CPED1: variants seen among roughly 807,000 people sequenced by gnomAD.
CPED1 encodes cadherin-like and PC-esterase domain-containing protein 1.
CPED1 carries 114 observed loss-of-function variants against 128.2 expected under a neutral mutation model. The ratio of observed to expected loss-of-function variants is 0.89; its 90% CI spans 0.76 to 1.04. The LOEUF is 1.04. Ranked by LOEUF, CPED1 falls within the 50% of genes least tolerant of loss-of-function variation. The pLI is 0.00. For missense variants in CPED1, 1,211 were observed against 1,207.1 expected (o/e 1.00, Z -0.05); for synonymous variants, 462 against 426.7 (o/e 1.08, Z -1.02).
chr7:121,055,007 T>A (rs1793457333), intron 4 of CPED1, among the ~76,000 whole-genome samples: 1 of 152,228 alleles, frequency 6.6e-6, no homozygotes, highest in African/African-American at 2.4e-5. Flanking sequence ...TCATTTAAGA[T>A]TCATCCCTGT....
chr7:121,094,676 C>T (rs551954696), intron 5 of CPED1, among the ~76,000 whole-genome samples: 94 of 152,252 alleles, frequency 6.2e-4, no homozygotes, highest in African/African-American at 2.0e-3. Flanking sequence ...CTAACAATGT[C>T]ACAAGCCTAT....
intron 2 of CPED1, among the ~76,000 whole-genome samples, chr7:121,004,569 A>G (rs1194464490): frequency 6.6e-6 from 1 of 152,138 alleles, no homozygotes; most frequent in Non-Finnish European, 1.5e-5. Flanking sequence ...TGCAAAGGGG[A>G]CAGCAGAGCT....
intron 16 of CPED1, among the ~76,000 whole-genome samples, chr7:121,193,721 A>G (rs76128522): frequency 6.6e-6 from 1 of 152,190 alleles, no homozygotes; most frequent in Non-Finnish European, 1.5e-5. Context: ...TGTTAACTCT[A>G]CAGAGGAGGA....
chr7:121,089,171 T>G (rs1315750499), intron 5 of CPED1, among the ~76,000 whole-genome samples: 1 of 152,196 alleles, frequency 6.6e-6, no homozygotes, highest in Non-Finnish European at 1.5e-5. Context: ...GAACATCTTT[T>G]CTGACATATT....
At chr7:121,261,182 T>C (rs1462202983) in intron 18 of CPED1, among the ~76,000 whole-genome samples, 2 of 152,118 alleles carry the variant, frequency 1.3e-5, no homozygotes, top group Non-Finnish European at 2.9e-5. Flanking sequence ...CAAAATGAGA[T>C]AAAAATCATT....
At chr7:121,147,394 T>C (rs1796047166) in intron 16 of CPED1, among the ~76,000 whole-genome samples, 1 of 152,138 alleles carries the variant, frequency 6.6e-6, no homozygotes, top group South Asian at 2.1e-4. Flanking sequence ...AATGAGTCTG[T>C]TATTTCATTT....
chr7:121,194,516 C>G (rs957179512), intron 16 of CPED1, among the ~76,000 whole-genome samples: 1 of 151,826 alleles, frequency 6.6e-6, no homozygotes. Context: ...TCAAGACTAA[C>G]GGATGATTAT....
chr7:121,184,013 G>A (rs1044028140), intron 16 of CPED1, among the ~76,000 whole-genome samples: 5 of 152,012 alleles, frequency 3.3e-5, no homozygotes, highest in African/African-American at 4.8e-5. Context: ...GGTGGCACAT[G>A]CCTGTAATCC....
chr7:121,194,202 C>A (rs747648632), intron 16 of CPED1, among the ~76,000 whole-genome samples: 21 of 151,454 alleles, frequency 1.4e-4, no homozygotes, highest in Non-Finnish European at 2.8e-4. Flanking sequence ...TGCCTGCCAC[C>A]ATGCCCAGCT....
At chr7:121,007,222 T>C (rs1475249059) in intron 2 of CPED1, among the ~76,000 whole-genome samples, 1 of 142,304 alleles carries the variant, frequency 7.0e-6, no homozygotes, top group Non-Finnish European at 1.5e-5. Context: ...GCGAAACTGT[T>C]CAGGTTGCAT....
At chr7:121,065,246 T>C (rs6466766) in intron 5 of CPED1, among the ~76,000 whole-genome samples, 57,862 of 152,034 alleles carry the variant, frequency 0.38, 12,227 homozygotes, top group Non-Finnish European at 0.49. Flanking sequence ...CAATTCAACT[T>C]TCAATTTAAG....
At chr7:121,115,332 G>A (rs1435400187) in intron 7 of CPED1, among the ~76,000 whole-genome samples, 1 of 152,188 alleles carries the variant, frequency 6.6e-6, no homozygotes, top group Non-Finnish European at 1.5e-5. Context: ...TGAGAAAGGT[G>A]TGAGAAAACA....
chr7:121,077,736 T>C (rs1167040162), intron 5 of CPED1, among the ~76,000 whole-genome samples: 1 of 151,328 alleles, frequency 6.6e-6, no homozygotes, highest in Non-Finnish European at 1.5e-5. Context: ...ATTAACAATA[T>C]GCTTTGTTTT....
chr7:121,229,854 G>A (rs200895386), intron 16 of CPED1, among the ~76,000 whole-genome samples: 3 of 151,940 alleles, frequency 2.0e-5, no homozygotes, highest in East Asian at 3.9e-4. Flanking sequence ...CAGACCTTGA[G>A]AAGGAAATGC....
chr7:121,124,537 T>C, intron 8 of CPED1, 64 bp downstream of exon 8: 1 of 1,249,826 alleles, frequency 8.0e-7, no homozygotes, highest in Non-Finnish European at 1.1e-6. Flanking sequence ...CTTTTAAAAA[T>C]TGTTGGTGGA....
chr7:121,242,635 T>G (rs6466773), intron 17 of CPED1, among the ~76,000 whole-genome samples: 63,733 of 151,940 alleles, frequency 0.42, 13,813 homozygotes, highest in Middle Eastern at 0.53. Context: ...CAGTTTTCTG[T>G]AATCCTCATT....
At chr7:121,058,515 C>A (rs1362425324) in intron 4 of CPED1, among the ~76,000 whole-genome samples, 1 of 152,170 alleles carries the variant, frequency 6.6e-6, no homozygotes, top group East Asian at 1.9e-4. Context: ...CAAGTGCTTA[C>A]ATGTTTATTT....
chr7:121,079,984 T>C (rs541981259), intron 5 of CPED1, among the ~76,000 whole-genome samples: 5 of 152,316 alleles, frequency 3.3e-5, no homozygotes, highest in Non-Finnish European at 7.4e-5. Flanking sequence ...AAGAAAGATA[T>C]TCAGTTTTTT....
intron 7 of CPED1, among the ~76,000 whole-genome samples, chr7:121,122,582 A>T (rs1795416655): frequency 6.6e-6 from 1 of 152,180 alleles, no homozygotes; most frequent in Non-Finnish European, 1.5e-5. Flanking sequence ...TAATCCCACA[A>T]AGTCTCACAA....
Sources: gnomAD v4.1 joint callset for allele counts (sites outside exome capture counted in the v4.1 genomes callset) on GRCh38, gnomAD v4.1.1 for gene constraint, MANE v1.5 for transcripts, NCBI Gene and HGNC (gene_info 2026-07-23, HGNC 2026-07-21) for gene names.